The following EFHB variants were observed in gnomAD, a reference collection of about 807,000 sequenced individuals.
EFHB encodes EF-hand domain-containing family member B.
Under a neutral mutation model 87.2 loss-of-function variants are expected in EFHB, and 91 were observed. The observed-to-expected ratio is 1.04, with a 90% CI of 0.88 to 1.24. The LOEUF (loss-of-function observed/expected upper bound fraction) is 1.24. Among genes scored for constraint, EFHB ranks in the 50% most tolerant of loss-of-function variants. EFHB has a pLI of 0.00. For missense variants in EFHB, 1,084 were observed against 998.8 expected (o/e 1.09, Z -1.15); for synonymous variants, 325 against 333.6 (o/e 0.97, Z 0.28).
chr3:19,939,939 T>G (rs1054087173), intron 1 of EFHB, among the ~76,000 whole-genome samples: 2 of 152,168 alleles, frequency 1.3e-5, no homozygotes, highest in East Asian at 3.9e-4. Flanking sequence ...TAGATTTGAT[T>G]GTATCTCCTC....
rs998736466 is a variant in EFHB, at chr3:19,933,659, A to T, written c.360T>A (p.Tyr120Ter). Residue 120 changes from tyrosine (Y) to a stop codon, truncating the protein, a stop_gained, in exon 1 of 13, where the codon TAT (tyrosine) becomes TAA (stop). Transcript: ENST00000295824. LOFTEE classifies it high-confidence loss of function. Reference protein sequence around the residue: ...GLENESLLAGYTHERIIQPPL... With the variant: ...GLENESLLAG ...GAGGCTGTATTATCCGTTCATGGGTATATCCTGCAAGAAGACTCTCATTTT... is the reference window on the plus strand; with the variant it reads ...GAGGCTGTATTATCCGTTCATGGGTTTATCCTGCAAGAAGACTCTCATTTT... The T allele has an allele frequency of 3.7e-6, 6 of 1,613,898 alleles. No homozygotes were observed. The highest frequency in any genetic ancestry group is 5.1e-6 in the Non-Finnish European group (6 of 1,179,900).
At chr3:19,924,810 A>G (rs1461827787) in intron 1 of EFHB, among the ~76,000 whole-genome samples, 2 of 152,212 alleles carry the variant, frequency 1.3e-5, no homozygotes, top group East Asian at 3.9e-4. Context: ...TACATGGCAC[A>G]TGTATACATA....
intron 9 of EFHB, among the ~76,000 whole-genome samples, chr3:19,895,475 G>C (rs191998787): frequency 1.3e-5 from 2 of 149,272 alleles, no homozygotes; most frequent in South Asian, 2.1e-4. Flanking sequence ...AGCGAGACTC[G>C]GTCTCAAAAA....
upstream of EFHB, among the ~76,000 whole-genome samples, chr3:19,935,863 A>T (rs542350385): frequency 6.6e-6 from 1 of 151,984 alleles, no homozygotes; most frequent in Non-Finnish European, 1.5e-5. Flanking sequence ...TACAAAAATT[A>T]GCTGGGCCTG....
At chr3:19,922,418 A>T (rs1002136922) in intron 1 of EFHB, among the ~76,000 whole-genome samples, 5 of 152,076 alleles carry the variant, frequency 3.3e-5, no homozygotes, top group Non-Finnish European at 5.9e-5. Flanking sequence ...CAAACTCTCA[A>T]CCCCTCTTGC....
rs374170003 is a variant in EFHB, at chr3:19,933,951, C to A, written c.68G>T (p.Gly23Val). ...CCCCAACTCCATGGGAAATTTTGTT[C>A]CCATGATGACCCTCTTGTCTCCTAA... is the stretch of plus-strand genomic sequence containing the variant. ...DDLGDKRVIM[G>V]TKFPMELGIR... The change falls in exon 1 of 13, where the codon GGA (glycine) becomes GTA (valine). Residue 23 changes from glycine (G) to valine (V), a missense_variant. Coordinates refer to ENST00000295824, the MANE Select transcript of EFHB (RefSeq NM_144715.4). The A allele has an allele frequency of 6.8e-6, 11 of 1,613,504 alleles. No individual in the cohort carries two copies. The African/African-American group carries it at 1.5e-4, about 22-fold the overall frequency.
intron 4 of EFHB, among the ~76,000 whole-genome samples, chr3:19,916,269 C>T (rs1695227133): frequency 6.6e-6 from 1 of 152,056 alleles, no homozygotes; most frequent in Non-Finnish European, 1.5e-5. Flanking sequence ...AATCCCAGCA[C>T]TTTGGGAGGC....
intron 10 of EFHB, among the ~76,000 whole-genome samples, chr3:19,885,351 G>A (rs1694064206): frequency 6.6e-6 from 1 of 152,142 alleles, no homozygotes; most frequent in South Asian, 2.1e-4. Context: ...TGACTGGGGG[G>A]AGCATGCACT....
chr3:19,938,863 T>G (rs139722997), upstream of EFHB, among the ~76,000 whole-genome samples: 156 of 152,258 alleles, frequency 1.0e-3, no homozygotes, highest in African/African-American at 3.6e-3. Flanking sequence ...ACCCAGGGCG[T>G]GTAGTTCCAC....
At position 19,924,216 on chromosome 3, in the gene EFHB, C is replaced by CT. The variant is rs1281280539; in HGVS notation, c.790-3650dup. Among the ~76,000 whole-genome samples, 1,126 of 141,400 alleles carry CT rather than the reference C, an allele frequency of 8.0e-3. 7 individuals carry two copies. The highest frequency in any genetic ancestry group is 0.02 in the East Asian group (99 of 4,882). 92.8% of individuals were successfully genotyped at this position (141,400 alleles called of 152,430 possible). On this transcript the variant is annotated intron_variant, in intron 1 of 12. Transcript: ENST00000295824. The stretch of plus-strand genomic sequence containing the variant: ...GAAGTTTTCTTTTCTCTCTCTCTCT[C>CT]TTTTTTTTTTTTTTTGAGACAGAGT...
At chr3:19,906,733 CA>C (rs1694855864) in intron 5 of EFHB, among the ~76,000 whole-genome samples, 2 of 151,142 alleles carry the variant, frequency 1.3e-5, no homozygotes, top group Non-Finnish European at 2.9e-5. Flanking sequence ...TATAGAACCA[CA>C]AAAGGCTCTG....
At chr3:19,918,644 T>C (rs950183022) in intron 3 of EFHB, among the ~76,000 whole-genome samples, 1 of 152,096 alleles carries the variant, frequency 6.6e-6, no homozygotes, top group African/African-American at 2.4e-5. Context: ...CTAAAAGGTT[T>C]ACAATGATAG....
rs150847359 is a variant in EFHB, at chr3:19,898,632, T to G, written c.1570+146A>C. On this transcript the variant is annotated intron_variant, in intron 8 of 12. Coordinates refer to ENST00000295824, the MANE Select transcript of EFHB (RefSeq NM_144715.4). ...AAAAATTTACTTCTGTGTTATACAC[T>G]TTTCTCATTAATGTTAATGCAACAT... is the stretch of plus-strand genomic sequence containing the variant. 3,002 of 828,954 alleles carry G rather than the reference T, an allele frequency of 3.6e-3. 160 individuals carry two copies. In the Admixed American group the frequency reaches 0.078, roughly 21 times the overall value. 51.3% of individuals were successfully genotyped at this position (828,954 alleles called of 1,614,324 possible).
intron 1 of EFHB, among the ~76,000 whole-genome samples, chr3:19,939,413 C>A (rs571621831): frequency 3.1e-5 from 3 of 96,634 alleles, no homozygotes; most frequent in African/African-American, 3.9e-5. Flanking sequence ...GATGGAGTCT[C>A]ACTCTGTCGC....
At chr3:19,924,386 G>T (rs939646089) in intron 1 of EFHB, among the ~76,000 whole-genome samples, 1 of 151,880 alleles carries the variant, frequency 6.6e-6, no homozygotes, top group Non-Finnish European at 1.5e-5. Flanking sequence ...GCTAATTTTT[G>T]TATTTTCAGT....
At chr3:19,889,699 C>T (rs1694238146) in intron 9 of EFHB, among the ~76,000 whole-genome samples, 1 of 152,188 alleles carries the variant, frequency 6.6e-6, no homozygotes, top group Non-Finnish European at 1.5e-5. Flanking sequence ...GACAATACAG[C>T]TGCAAATGCC....
Position 19,903,874 on chromosome 3 carries a change from G to A in EFHB, c.1418+1746C>T, listed in dbSNP as rs58267389. Among the ~76,000 whole-genome samples, 1,187 of 152,264 alleles carry A rather than the reference G, an allele frequency of 7.8e-3. 11 individuals carry two copies. Among genetic ancestry groups the A allele is most frequent in the African/African-American group, 0.025 (1,026 of 41,526 alleles). ...TTCTTACCCCTGATACGTCTGAGCT[G>A]CATGATCTTAGGCAAATGATTTAAC... On this transcript the variant is annotated intron_variant, in intron 6 of 12. Transcript: ENST00000295824.
At chr3:19,912,887 A>G (rs187485509) in intron 5 of EFHB, among the ~76,000 whole-genome samples, 151 of 152,324 alleles carry the variant, frequency 9.9e-4, no homozygotes, top group Non-Finnish European at 1.7e-3. Context: ...ATGCAAATCA[A>G]TCAATGGGAT....
chr3:19,936,908 T>TAAAA (rs1338228303), upstream of EFHB, among the ~76,000 whole-genome samples: 1 of 128,916 alleles, frequency 7.8e-6, no homozygotes, highest in African/African-American at 2.8e-5. Context: ...AATAAATAAA[T>TAAAA]AAATAAAAAG....
Sources: gnomAD v4.1 joint callset for allele counts (sites outside exome capture counted in the v4.1 genomes callset) on GRCh38, gnomAD v4.1.1 for gene constraint, MANE v1.5 for transcripts, NCBI Gene and HGNC (gene_info 2026-07-23, HGNC 2026-07-21) for gene names.